The following ATP10A variants were observed in gnomAD, a reference collection of about 807,000 sequenced individuals.
ATP10A encodes ATPase phospholipid transporting 10A (putative).
ATP10A carries 111 observed loss-of-function variants against 147.8 expected under a neutral mutation model. That is an observed-to-expected ratio of 0.75 (90% CI 0.64 to 0.88). The LOEUF (loss-of-function observed/expected upper bound fraction) is 0.88. ATP10A is among the 40% of genes least tolerant of loss of function. The probability of loss-of-function intolerance (pLI) is 0.00; values close to 1 mark genes in which losing one functional copy is unlikely to be tolerated. For synonymous variants in ATP10A, 875 were observed against 841.6 expected (o/e 1.04, Z -0.69); for missense variants, 1,927 against 1,959.0 (o/e 0.98, Z 0.31).
At chr15:25,853,767 G>T (rs1016597486) in intron 1 of ATP10A, among the ~76,000 whole-genome samples, 2 of 152,090 alleles carry the variant, frequency 1.3e-5, no homozygotes, top group Non-Finnish European at 2.9e-5. Context: ...GGCTTCAAAG[G>T]CCACTGAAAG....
At chr15:25,860,190 C>T (rs1893695197) in intron 1 of ATP10A, among the ~76,000 whole-genome samples, 1 of 152,164 alleles carries the variant, frequency 6.6e-6, no homozygotes, top group Non-Finnish European at 1.5e-5. Context: ...TGTTCTCAAC[C>T]TCTGTGCCAT....
chr15:25,724,504 C>A (rs1425244389), intron 5 of ATP10A, among the ~76,000 whole-genome samples: 1 of 152,220 alleles, frequency 6.6e-6, no homozygotes, highest in Non-Finnish European at 1.5e-5. Context: ...TGGACCCACA[C>A]CTGTCTGGTC....
At chr15:25,841,482 T>C (rs1268261376) in intron 1 of ATP10A, 1 of 152,050 alleles carries the variant, frequency 6.6e-6, no homozygotes, top group African/African-American at 2.4e-5. Context: ...AGCATTAATA[T>C]TGGGAGAAGT....
At chr15:25,809,518 A>G (rs572012482) in intron 1 of ATP10A, among the ~76,000 whole-genome samples, 6 of 152,334 alleles carry the variant, frequency 3.9e-5, no homozygotes, top group Non-Finnish European at 8.8e-5. Flanking sequence ...AACAGGGCAA[A>G]TTTACTTTAT....
downstream of ATP10A, among the ~76,000 whole-genome samples, chr15:25,672,953 G>A (rs569742420): frequency 6.6e-6 from 1 of 152,174 alleles, no homozygotes; most frequent in Non-Finnish European, 1.5e-5. Context: ...TGTGGTCACT[G>A]CTCCTGAGAC....
intron 12 of ATP10A, among the ~76,000 whole-genome samples, chr15:25,706,295 G>T (rs1901008640): frequency 6.6e-6 from 1 of 152,178 alleles, no homozygotes; most frequent in Non-Finnish European, 1.5e-5. Flanking sequence ...GCCTGCAGAG[G>T]AGAGGCCAGC....
intron 2 of ATP10A, among the ~76,000 whole-genome samples, chr15:25,756,608 A>T (rs763137168): frequency 6.6e-6 from 1 of 151,994 alleles, no homozygotes; most frequent in South Asian, 2.1e-4. Context: ...CTACCACTGC[A>T]CTCCAGCCTG....
intron 1 of ATP10A, among the ~76,000 whole-genome samples, chr15:25,855,168 A>G (rs1893460399): frequency 1.3e-5 from 2 of 152,142 alleles, no homozygotes. Flanking sequence ...AAAACCAGAC[A>G]AAGACACACA....
intron 12 of ATP10A, among the ~76,000 whole-genome samples, chr15:25,704,006 C>T (rs768125312): frequency 2.0e-5 from 3 of 152,120 alleles, no homozygotes; most frequent in East Asian, 1.9e-4. Context: ...AGCCAGGTCA[C>T]GCTCTGTGCT....
intron 1 of ATP10A, among the ~76,000 whole-genome samples, chr15:25,855,215 A>T (rs1893461949): frequency 6.6e-6 from 1 of 152,178 alleles, no homozygotes; most frequent in Admixed American, 6.5e-5. Flanking sequence ...TATGAATTCA[A>T]ATGCAAAATT....
At chr15:25,772,766 G>A (rs536592587) in intron 2 of ATP10A, among the ~76,000 whole-genome samples, 3 of 152,178 alleles carry the variant, frequency 2.0e-5, no homozygotes, top group African/African-American at 4.8e-5. Context: ...CCCACTCTCC[G>A]GAACCCCAGG....
chr15:25,761,261 G>A lies in ATP10A; in HGVS notation c.654+19758C>T, dbSNP rs536467422. The stretch of plus-strand genomic sequence containing the variant: ...ACTGAAAGAAGATCAGTGGTTGTCC[G>A]GGGCCACTCTCAGTACCAATTTACT... On this transcript the variant is annotated intron_variant, in intron 2 of 20. Coordinates refer to ENST00000555815, the MANE Select transcript of ATP10A (RefSeq NM_024490.4). Among the ~76,000 whole-genome samples, 39 of 152,254 alleles carry A rather than the reference G, an allele frequency of 2.6e-4. 1 individual carries two copies. The highest frequency in any genetic ancestry group is 9.1e-4 in the African/African-American group (38 of 41,546).
At chr15:25,767,397 A>G (rs1444623) in intron 2 of ATP10A, among the ~76,000 whole-genome samples, 142,654 of 152,228 alleles carry the variant, frequency 0.94, 67,328 homozygotes, top group Non-Finnish European at 1. Context: ...TGGATGAACC[A>G]GGGCTCAGGC....
At chr15:25,689,814 G>C (rs1359712294) in intron 15 of ATP10A, among the ~76,000 whole-genome samples, 1 of 152,216 alleles carries the variant, frequency 6.6e-6, no homozygotes, top group African/African-American at 2.4e-5. Context: ...TTGGGCTGGT[G>C]CTCCCACCTT....
chr15:25,760,502 C>T (rs531760901), intron 2 of ATP10A, among the ~76,000 whole-genome samples: 2 of 152,272 alleles, frequency 1.3e-5, no homozygotes, highest in South Asian at 2.1e-4. Context: ...AAGTTACTTG[C>T]AAGCACTTAC....
intron 1 of ATP10A, among the ~76,000 whole-genome samples, chr15:25,841,092 T>C (rs931782542): frequency 6.6e-6 from 1 of 152,214 alleles, no homozygotes; most frequent in Non-Finnish European, 1.5e-5. Context: ...CTGGAATTTC[T>C]CTGCTCTTTT....
intron 1 of ATP10A, among the ~76,000 whole-genome samples, chr15:25,822,340 A>G (rs150620251): frequency 4.2e-4 from 64 of 152,300 alleles, no homozygotes; most frequent in African/African-American, 1.5e-3. Context: ...AAATAATGGT[A>G]AATAATAACC....
At chr15:25,753,714 G>C (rs922726404) in intron 2 of ATP10A, among the ~76,000 whole-genome samples, 12 of 150,254 alleles carry the variant, frequency 8.0e-5, no homozygotes, top group Non-Finnish European at 1.8e-4. Flanking sequence ...ATAAAGGGCT[G>C]CAGTTTCTAT....
intron 1 of ATP10A, among the ~76,000 whole-genome samples, chr15:25,842,417 C>T (rs1234939103): frequency 1.3e-5 from 2 of 152,106 alleles, no homozygotes; most frequent in Non-Finnish European, 2.9e-5. Context: ...CGTCCTTTTA[C>T]TGTTTCTTGT....
Sources: allele counts gnomAD v4.1 joint callset (sites outside exome capture counted in the v4.1 genomes callset), GRCh38; gene constraint gnomAD v4.1.1; transcripts MANE v1.5; gene names NCBI Gene and HGNC (gene_info 2026-07-23, HGNC 2026-07-21).